MGAM: variants seen among roughly 807,000 people sequenced by gnomAD.
The protein encoded by MGAM is alpha-1,4-glucosidase.
In MGAM, 253 loss-of-function variants were observed where a neutral mutation model predicts 358.8. The observed-to-expected ratio is 0.71, with a 90% CI of 0.64 to 0.78. The LOEUF is 0.78. Ranked by LOEUF, MGAM falls within the 30% of genes least tolerant of loss-of-function variation. The pLI is 0.00. For synonymous variants in MGAM, 1,105 were observed against 1,227.1 expected (o/e 0.90, Z 2.08); for missense variants, 3,080 against 3,432.6 (o/e 0.90, Z 2.57).
chr7:142,041,958 A>ATG lies in MGAM; in HGVS notation c.2498+1112_2498+1113insTG, dbSNP rs1563144983. Among the ~76,000 whole-genome samples, 26 of 19,982 alleles carry ATG rather than the reference A, an allele frequency of 1.3e-3. 2 individuals are homozygous for ATG. The highest frequency in any genetic ancestry group is 3.4e-3 in the African/African-American group (22 of 6,434). The allele number at this position is 19,982 out of a possible 152,430, so 13.1% of individuals were successfully genotyped here. A position where few individuals can be genotyped will look rare whatever the true frequency, so the allele number is the denominator to read the frequency against. ...ATATATTATATATATACATATATATAATATATATATATTATATATATATAA... is the reference window on the plus strand; with the variant it reads ...ATATATTATATATATACATATATATATGATATATATATATTATATATATATAA... On this transcript the variant is annotated intron_variant, in intron 21 of 70. Coordinates refer to ENST00000475668, the MANE Select transcript of MGAM (RefSeq NM_001365693.1).
chr7:142,036,722 G>A (rs941518266), intron 17 of MGAM, 101 bp from the exon 18 acceptor site: 7 of 1,308,756 alleles, frequency 5.3e-6, no homozygotes, highest in Non-Finnish European at 7.4e-6. Flanking sequence ...CTGTCATTCA[G>A]GAGGGAAATT....
At chr7:142,026,649 G>A (rs973537580) in intron 8 of MGAM, among the ~76,000 whole-genome samples, 1 of 152,166 alleles carries the variant, frequency 6.6e-6, no homozygotes, top group Admixed American at 6.5e-5. Context: ...GTTTATCTGG[G>A]AATGGTGCCT....
chr7:142,050,151 C>A, intron 22 of MGAM, 84 bp from the exon 23 acceptor site: 1 of 1,337,924 alleles, frequency 7.5e-7, no homozygotes, highest in Non-Finnish European at 1.1e-6. Context: ...GACCTCAAGG[C>A]ATAGCTGAAA....
chr7:142,089,126 G>A (rs1366814255), intron 57 of MGAM, among the ~76,000 whole-genome samples: 1 of 145,640 alleles, frequency 6.9e-6, no homozygotes, highest in Non-Finnish European at 1.6e-5. Context: ...AGCCCACATG[G>A]ACACAGGAAC....
chr7:142,071,980 T>C (rs564126794), intron 44 of MGAM, among the ~76,000 whole-genome samples: 1 of 146,362 alleles, frequency 6.8e-6, no homozygotes, highest in South Asian at 2.2e-4. Flanking sequence ...GAACCTCTCT[T>C]ACTGCTTTAA....
rs564029001 is a variant in MGAM at position 142,096,160 on chromosome 7, A to G, written c.7608-171A>G. On this transcript the variant is annotated intron_variant, in intron 64 of 70. Transcript: ENST00000475668. ...ATTTCTGAAGTTTGAGGCACATCCC[A>G]TGGGGAAAGCAGAGGCTGGGTGCTC... The G allele has an allele frequency of 2.1e-4, 142 of 671,060 alleles. No individual in the cohort carries two copies. In the South Asian group the frequency reaches 2.5e-3, roughly 12 times the overall value. The allele number at this position is 671,060 out of a possible 1,614,324, so 41.6% of individuals were successfully genotyped here.
At chr7:142,050,987 A>T in intron 24 of MGAM, 123 bp downstream of exon 24, 24 of 1,306,090 alleles carry the variant, frequency 1.8e-5, no homozygotes, top group Non-Finnish European at 2.6e-5. Flanking sequence ...GTTTTGGGGA[A>T]GTGAGAGGGC....
In MGAM at chr7:142,072,909, AC is replaced by A. The variant is rs1312661526; in HGVS notation, c.5187-1173del. On this transcript the variant is annotated intron_variant, in intron 44 of 70. Transcript: ENST00000475668. ...AGATTCTAGGTTTTGCTTACTAAGCACCCTTTGAGTTCTAGCTCAGTGTTTT... is the reference window on the plus strand; with the variant it reads ...AGATTCTAGGTTTTGCTTACTAAGCACCTTTGAGTTCTAGCTCAGTGTTTT... 2.0e-5 allele frequency among the ~76,000 whole-genome samples: 3 copies of A among 146,402 alleles called. 1 individual carries two copies. Among genetic ancestry groups the A allele is most frequent in the African/African-American group, 7.3e-5 (3 of 41,128 alleles).
intron 66 of MGAM, among the ~76,000 whole-genome samples, 159 bp downstream of exon 66, chr7:142,097,808 C>A (rs1351924489): frequency 1.3e-5 from 2 of 152,166 alleles, no homozygotes; most frequent in Non-Finnish European, 2.9e-5. Context: ...TTTCTCACCT[C>A]CAAGTGGAGT....
intron 3 of MGAM, among the ~76,000 whole-genome samples, chr7:142,010,348 C>T (rs1245485518): frequency 6.6e-6 from 1 of 152,070 alleles, no homozygotes; most frequent in African/African-American, 2.4e-5. Context: ...AACTCGTTAC[C>T]TCCTCACCAA....
At chr7:142,010,782 C>A (rs1243665643) in intron 3 of MGAM, among the ~76,000 whole-genome samples, 1 of 152,166 alleles carries the variant, frequency 6.6e-6, no homozygotes, top group African/African-American at 2.4e-5. Context: ...ACCTCTGTGC[C>A]TCTATAGGTT....
chr7:142,098,718 G>A (rs958079199), intron 66 of MGAM, among the ~76,000 whole-genome samples: 12 of 152,102 alleles, frequency 7.9e-5, no homozygotes, highest in African/African-American at 2.4e-4. Context: ...CTTTCTTTAC[G>A]TGAGACTGGC....
chr7:142,095,530 G>A (rs756740357), intron 63 of MGAM, 35 bp from the exon 64 acceptor site: 3 of 1,611,314 alleles, frequency 1.9e-6, no homozygotes, highest in African/African-American at 1.3e-5. Context: ...GAAATTCCAG[G>A]GCAAGCTCCC....
rs764975501 is a variant in MGAM, at chr7:142,054,707, G to A, written c.3160-47G>A. The A allele has an allele frequency of 5.5e-5, 88 of 1,604,688 alleles. 3 individuals are homozygous for A. The South Asian group carries it at 9.5e-4, about 17-fold the overall frequency. ...CAAAAAGGTTCTGCTAAGGGTATAG[G>A]TTTCAAGAGTAGTATTGTTGCCTAA... is the stretch of plus-strand genomic sequence containing the variant. On this transcript the variant is annotated intron_variant, in intron 26 of 70. Transcript: ENST00000475668.
intron 53 of MGAM, among the ~76,000 whole-genome samples, chr7:142,083,670 T>G (rs1814516439): frequency 6.9e-6 from 1 of 145,092 alleles, no homozygotes; most frequent in African/African-American, 2.5e-5. Flanking sequence ...GTGGTGGTAT[T>G]TGTGGTTATA....
intron 32 of MGAM, 36 bp downstream of exon 32, chr7:142,059,636 G>A (rs1438482817): frequency 6.2e-7 from 1 of 1,609,308 alleles, no homozygotes; most frequent in African/African-American, 1.3e-5. Context: ...GTCTGTTTGG[G>A]AGCAGGTATG....
intron 20 of MGAM, 26 bp from the exon 21 acceptor site, chr7:142,040,696 G>A: frequency 6.2e-7 from 1 of 1,610,940 alleles, no homozygotes; most frequent in African/African-American, 1.3e-5. Context: ...TCATGCCAAT[G>A]TGTTTGATTT....
chr7:142,027,259 G>T, intron 9 of MGAM, 32 bp downstream of exon 9: 1 of 1,508,418 alleles, frequency 6.6e-7, no homozygotes, highest in Non-Finnish European at 9.2e-7. Context: ...TATGACTCAG[G>T]AAATCCTAAA....
At chr7:142,041,928 A>AATAT (rs71531987) in intron 21 of MGAM, among the ~76,000 whole-genome samples, 1 of 16,444 alleles carries the variant, frequency 6.1e-5, no homozygotes, top group African/African-American at 3.6e-4. Flanking sequence ...TATAATATAT[A>AATAT]ATATATATAT....
Sources: gnomAD v4.1 joint callset for allele counts (sites outside exome capture counted in the v4.1 genomes callset) on GRCh38, gnomAD v4.1.1 for gene constraint, MANE v1.5 for transcripts, NCBI Gene and HGNC (gene_info 2026-07-23, HGNC 2026-07-21) for gene names.